Variants in SLC25A16 observed in about 807,000 individuals in gnomAD.
SLC25A16 encodes the protein solute carrier family 25 member 16, also known as mitochondrial coenzyme A transporter SLC25A16.
In SLC25A16, 39 loss-of-function variants were observed where a neutral mutation model predicts 41.5. The observed-to-expected ratio is 0.94, with a 90% CI of 0.73 to 1.23. The LOEUF is 1.23. Among genes scored for constraint, SLC25A16 ranks in the 50% most tolerant of loss-of-function variants. SLC25A16 has a pLI of 0.00. For synonymous variants in SLC25A16, 146 were observed against 147.8 expected, an observed-to-expected ratio of 0.99 and a Z score of 0.09; for missense variants, 421 against 426.9, an observed-to-expected ratio of 0.99 and a Z score of 0.12.
In SLC25A16 at chr10:68,516,761, G is replaced by A. The variant is rs148503876; in HGVS notation, c.213C>T (p.Tyr71=). Residue 71 remains tyrosine, a synonymous_variant, in exon 2 of 9, where the codon TAC becomes TAT. Coordinates refer to ENST00000609923, the MANE Select transcript of SLC25A16 (RefSeq NM_152707.4). ...KVLLQAHNHH[Y]KHLGVFSALR... ...CATCTATTAACTCACCTAAATGCTT[G>A]TAATGGTGATTGTGAGCTTGTAATA... The A allele has an allele frequency of 6.9e-6, 11 of 1,601,264 alleles. No individual in the cohort carries two copies. The African/African-American group carries it at 1.5e-4, about 21-fold the overall frequency.
In SLC25A16 at chr10:68,494,327, C is replaced by T. The variant is rs963126689; in HGVS notation, c.422-757G>A. ...AAATACAAAAATTAGCTGGGTGTGG[C>T]GGCACATTCCTGTAGTCCCAGCTAG... On this transcript the variant is annotated intron_variant, in intron 4 of 8. Coordinates refer to ENST00000609923, the MANE Select transcript of SLC25A16 (RefSeq NM_152707.4). Among the ~76,000 whole-genome samples, 12 of 138,730 alleles carry T rather than the reference C, an allele frequency of 8.6e-5. No individual in the cohort carries two copies. The South Asian group carries it at 1.2e-3, about 14-fold the overall frequency. 91.0% of individuals were successfully genotyped at this position (138,730 alleles called of 152,430 possible).
At chr10:68,499,636 C>T (rs1006505416) in intron 4 of SLC25A16, 7 of 346,672 alleles carry the variant, frequency 2.0e-5, no homozygotes, top group Non-Finnish European at 2.3e-5. Flanking sequence ...CCCCTCTTTC[C>T]AAAGAGCTGA....
intron 3 of SLC25A16, 73 bp from the exon 4 acceptor site, chr10:68,503,768 A>T: frequency 1.1e-6 from 1 of 924,150 alleles, no homozygotes; most frequent in Non-Finnish European, 1.7e-6. Flanking sequence ...AATAATGAAG[A>T]TTTATTTCAA....
chr10:68,503,785 C>T, intron 3 of SLC25A16, 90 bp from the exon 4 acceptor site: 2 of 805,860 alleles, frequency 2.5e-6, no homozygotes, highest in Non-Finnish European at 4.2e-6. Context: ...TCAAGAGTTA[C>T]AGGACTAATA....
chr10:68,509,768 GATAGATAGATAT>G (rs966060447), intron 2 of SLC25A16, among the ~76,000 whole-genome samples: 4 of 147,064 alleles, frequency 2.7e-5, no homozygotes, highest in Admixed American at 2.0e-4. Context: ...TATAGATATA[GATAGATAGATAT>G]ATAGATAGAT....
At chr10:68,486,983 G>C in intron 8 of SLC25A16, 161 bp downstream of exon 8, 1 of 124,296 alleles carries the variant, frequency 8.0e-6, no homozygotes. Context: ...AAAAAAAAAA[G>C]AACCTGATTG....
intron 4 of SLC25A16, among the ~76,000 whole-genome samples, chr10:68,501,893 G>A (rs1375101919): frequency 6.6e-6 from 1 of 152,124 alleles, no homozygotes; most frequent in East Asian, 1.9e-4. Context: ...AAAACAAATA[G>A]TTTTAGTAGA....
intron 2 of SLC25A16, among the ~76,000 whole-genome samples, chr10:68,507,350 C>T (rs150740619): frequency 3.3e-5 from 5 of 152,062 alleles, no homozygotes; most frequent in East Asian, 1.9e-4. Flanking sequence ...GGATTACAGG[C>T]GTGACCCACT....
chr10:68,492,690 A>G (rs1191744623), intron 6 of SLC25A16, among the ~76,000 whole-genome samples: 3 of 150,898 alleles, frequency 2.0e-5, no homozygotes, highest in Non-Finnish European at 4.4e-5. Flanking sequence ...CTCAAAAAAC[A>G]AAAAAAAACA....
chr10:68,512,392 C>CT (rs2053079660), intron 2 of SLC25A16, among the ~76,000 whole-genome samples: 1 of 90,746 alleles, frequency 1.1e-5, no homozygotes, highest in Non-Finnish European at 2.2e-5. Flanking sequence ...AATCCCAGCA[C>CT]TTTGGGAGGC....
chr10:68,515,556 T>C (rs1345861726), intron 2 of SLC25A16, among the ~76,000 whole-genome samples: 3 of 152,084 alleles, frequency 2.0e-5, no homozygotes, highest in South Asian at 4.1e-4. Flanking sequence ...CCCAGCACTT[T>C]GGGAGGCCGA....
At chr10:68,492,497 G>A (rs767567462) in intron 6 of SLC25A16, among the ~76,000 whole-genome samples, 15 of 152,104 alleles carry the variant, frequency 9.9e-5, no homozygotes, top group East Asian at 7.7e-4. Context: ...TGCTGGGCAC[G>A]GTGGCTAATG....
chr10:68,494,148 G>A (rs773085896), intron 4 of SLC25A16, among the ~76,000 whole-genome samples: 5 of 152,040 alleles, frequency 3.3e-5, no homozygotes, highest in Non-Finnish European at 5.9e-5. Context: ...CCCATGTTCC[G>A]AGTTTTCTGG....
At chr10:68,509,758 T>TAG (rs2053027553) in intron 2 of SLC25A16, among the ~76,000 whole-genome samples, 1 of 148,238 alleles carries the variant, frequency 6.7e-6, no homozygotes, top group South Asian at 2.1e-4. Flanking sequence ...TATATAGATA[T>TAG]ATAGATATAG....
chr10:68,519,680 C>T lies in SLC25A16; in HGVS notation c.131-2837G>A, dbSNP rs1455719749. ...CTGTATTCCCAGCACTTTGGGAGGC[C>T]GAGGTGGGCAGATCATCTGAGGTCA... is the stretch of plus-strand genomic sequence containing the variant. On this transcript the variant is annotated intron_variant, in intron 1 of 8. Transcript: ENST00000609923. Among the ~76,000 whole-genome samples, 10 of 151,458 alleles carry T rather than the reference C, an allele frequency of 6.6e-5. No individual in the cohort carries two copies. In the East Asian group the frequency reaches 9.9e-4, roughly 15 times the overall value.
intron 4 of SLC25A16, among the ~76,000 whole-genome samples, chr10:68,501,976 T>C (rs114987192): frequency 0.024 from 3,632 of 152,190 alleles, 153 homozygotes; most frequent in African/African-American, 0.083. Flanking sequence ...GGCGGGTGGA[T>C]ACCTGAAATC....
intron 6 of SLC25A16, among the ~76,000 whole-genome samples, chr10:68,488,915 C>T (rs1039980036): frequency 2.0e-4 from 31 of 152,182 alleles, no homozygotes; most frequent in African/African-American, 7.0e-4. Flanking sequence ...CAAGGTTTCA[C>T]ATGAGAAAAA....
At chr10:68,516,400 T>TA (rs201988518) in intron 2 of SLC25A16, among the ~76,000 whole-genome samples, 5,859 of 147,242 alleles carry the variant, frequency 0.04, 164 homozygotes, top group South Asian at 0.091. Flanking sequence ...CTGGGGAAGG[T>TA]AAAAAAAAAA....
intron 4 of SLC25A16, among the ~76,000 whole-genome samples, chr10:68,500,992 C>T (rs1019596507): frequency 6.6e-6 from 1 of 151,406 alleles, no homozygotes; most frequent in South Asian, 2.1e-4. Context: ...TGACTCACAC[C>T]TGTAATCCCA....
Sources: gnomAD v4.1 joint callset for allele counts (sites outside exome capture counted in the v4.1 genomes callset) on GRCh38, gnomAD v4.1.1 for gene constraint, MANE v1.5 for transcripts, NCBI Gene and HGNC (gene_info 2026-07-23, HGNC 2026-07-21) for gene names.